The following ADGB variants were observed in gnomAD, a reference collection of about 807,000 sequenced individuals.
ADGB encodes androglobin, also known as calpain-7-like protein.
ADGB carries 172 observed loss-of-function variants against 210.5 expected under a neutral mutation model. The ratio of observed to expected loss-of-function variants is 0.82; its 90% CI spans 0.72 to 0.93. The LOEUF is 0.93. ADGB is among the 40% of genes least tolerant of loss of function. The pLI, the probability that ADGB is intolerant of heterozygous loss-of-function variation, is 0.00. For synonymous variants in ADGB, 658 were observed against 662.7 expected, an observed-to-expected ratio of 0.99 and a Z score of 0.11; for missense variants, 2,025 against 1,964.8, an observed-to-expected ratio of 1.03 and a Z score of -0.58.
intron 12 of ADGB, among the ~76,000 whole-genome samples, chr6:146,693,766 C>T (rs1776365523): frequency 6.6e-6 from 1 of 152,144 alleles, no homozygotes; most frequent in Admixed American, 6.6e-5. Context: ...CAACACTTTG[C>T]TTAGAAATTT....
intron 35 of ADGB, among the ~76,000 whole-genome samples, chr6:146,806,047 A>G (rs1299171860): frequency 2.0e-5 from 3 of 152,236 alleles, no homozygotes; most frequent in Non-Finnish European, 4.4e-5. Context: ...CAGTAAATCA[A>G]TGAATGGATA....
chr6:146,783,981 C>T (rs1215077603), intron 30 of ADGB, among the ~76,000 whole-genome samples: 8 of 152,124 alleles, frequency 5.3e-5, no homozygotes, highest in African/African-American at 1.9e-4. Context: ...TATGAGTGAA[C>T]ATAATTACAA....
At chr6:146,633,452 T>C (rs948638320) in intron 1 of ADGB, among the ~76,000 whole-genome samples, 3 of 152,000 alleles carry the variant, frequency 2.0e-5, no homozygotes, top group African/African-American at 4.8e-5. Context: ...CTGCCTTAGA[T>C]CACCTTGACA....
intron 11 of ADGB, 118 bp from the exon 12 acceptor site, chr6:146,692,707 T>G: frequency 8.1e-6 from 4 of 491,468 alleles, no homozygotes; most frequent in Non-Finnish European, 1.1e-5. Context: ...TTCACACTAT[T>G]GAAATTTGCT....
At position 146,603,505 on chromosome 6, in the gene ADGB, T is replaced by C. The variant is rs189636777; in HGVS notation, c.74+4391T>C. ...GGACACAATTTGATGTTTATACTTA[T>C]AAAATTTTTTTCACTTCCAAAAGGA... On this transcript the variant is annotated intron_variant, in intron 1 of 35. Coordinates refer to ENST00000397944, the MANE Select transcript of ADGB (RefSeq NM_024694.4). 1.2e-3 allele frequency among the ~76,000 whole-genome samples: 189 copies of C among 152,322 alleles called. 2 individuals are homozygous for C. The highest frequency in any genetic ancestry group is 5.8e-4 in the East Asian group (3 of 5,184).
chr6:146,686,072 C>A (rs561527935), intron 10 of ADGB, among the ~76,000 whole-genome samples: 46 of 152,094 alleles, frequency 3.0e-4, no homozygotes, highest in African/African-American at 1.1e-3. Flanking sequence ...AATACATAGT[C>A]ACTTTTAATT....
chr6:146,794,391 A>G (rs1326155697), intron 33 of ADGB, among the ~76,000 whole-genome samples: 2 of 151,582 alleles, frequency 1.3e-5, no homozygotes, highest in African/African-American at 4.9e-5. Flanking sequence ...CCCGTGTTCT[A>G]TTGTCCCATT....
intron 3 of ADGB, among the ~76,000 whole-genome samples, chr6:146,649,312 T>C (rs1775664141): frequency 6.6e-6 from 1 of 151,926 alleles, no homozygotes; most frequent in Admixed American, 6.6e-5. Flanking sequence ...TTAGTCTTAT[T>C]TGTTTTAAAA....
At chr6:146,689,245 T>C (rs1283649941) in intron 10 of ADGB, among the ~76,000 whole-genome samples, 4 of 152,270 alleles carry the variant, frequency 2.6e-5, no homozygotes, top group African/African-American at 9.6e-5. Flanking sequence ...CAGGCACTAT[T>C]GTAAATCTCC....
intron 27 of ADGB, among the ~76,000 whole-genome samples, chr6:146,755,476 T>TC (rs1045045190): frequency 1.1e-4 from 17 of 152,120 alleles, no homozygotes; most frequent in African/African-American, 3.6e-4. Context: ...AGGGGTTTTC[T>TC]CCCCCTTCAC....
intron 13 of ADGB, among the ~76,000 whole-genome samples, chr6:146,708,114 G>A (rs1311520266): frequency 6.6e-6 from 1 of 151,686 alleles, no homozygotes; most frequent in East Asian, 1.9e-4. Context: ...TCTCTCTTAT[G>A]GTTTATGTTT....
intron 19 of ADGB, among the ~76,000 whole-genome samples, chr6:146,726,900 T>C (rs1323886461): frequency 1.3e-5 from 2 of 152,152 alleles, no homozygotes; most frequent in East Asian, 1.9e-4. Flanking sequence ...ATCTGGAGCA[T>C]GTGCCTGGGA....
At position 146,728,713 on chromosome 6, in the gene ADGB, A is replaced by G; in HGVS notation, c.2492A>G (p.Asp831Gly). Residue 831 changes from aspartate (D) to glycine (G), a missense_variant, in exon 20 of 36, where the codon GAT becomes GGT. Physicochemically the swap from Asp to Gly is moderately conservative, Grantham distance 94. Coordinates refer to ENST00000397944, the MANE Select transcript of ADGB (RefSeq NM_024694.4). ...QTAHYPVPFH[D>G]KELTAQHFRV... ...GCTCACTACCCTGTCCCCTTCCATG[A>G]TAAAGAACTAACTGCACAGCACTTC... The G allele has an allele frequency of 6.4e-7, 1 of 1,550,852 alleles. No individual in the cohort carries two copies. The highest frequency in any genetic ancestry group is 8.7e-7 in the Non-Finnish European group (1 of 1,146,410).
At chr6:146,634,714 T>C (rs1775377846) in intron 1 of ADGB, among the ~76,000 whole-genome samples, 1 of 152,016 alleles carries the variant, frequency 6.6e-6, no homozygotes, top group Admixed American at 6.6e-5. Flanking sequence ...TTAAAATCTA[T>C]CGTAACAAAA....
At chr6:146,708,899 T>G (rs953954997) in intron 13 of ADGB, among the ~76,000 whole-genome samples, 4 of 152,194 alleles carry the variant, frequency 2.6e-5, no homozygotes, top group African/African-American at 9.6e-5. Flanking sequence ...TTCATTCCTT[T>G]TCTTTTTTCC....
intron 33 of ADGB, among the ~76,000 whole-genome samples, chr6:146,793,478 G>A (rs1015759313): frequency 2.6e-5 from 4 of 152,166 alleles, no homozygotes; most frequent in African/African-American, 7.2e-5. Context: ...GTCCTCCAGA[G>A]AGGAGCTCTC....
At chr6:146,684,165 A>C (rs879811381) in intron 9 of ADGB, among the ~76,000 whole-genome samples, 1 of 152,048 alleles carries the variant, frequency 6.6e-6, no homozygotes, top group Non-Finnish European at 1.5e-5. Flanking sequence ...TCCACCTCTC[A>C]TGCTTCATAC....
chr6:146,685,865 T>TTG, intron 10 of ADGB, 37 bp downstream of exon 10: 2 of 1,380,862 alleles, frequency 1.4e-6, no homozygotes, highest in Non-Finnish European at 9.9e-7. Context: ...ATTATTTATT[T>TTG]TGTGTGTGTG....
At chr6:146,636,261 A>G (rs1026972984) in intron 2 of ADGB, among the ~76,000 whole-genome samples, 2 of 152,088 alleles carry the variant, frequency 1.3e-5, no homozygotes, top group East Asian at 3.9e-4. Flanking sequence ...ACATAAACAT[A>G]AGTGCCAGAA....
Sources: allele counts gnomAD v4.1 joint callset (sites outside exome capture counted in the v4.1 genomes callset), GRCh38; gene constraint gnomAD v4.1.1; transcripts MANE v1.5; gene names NCBI Gene and HGNC (gene_info 2026-07-23, HGNC 2026-07-21).